The following RALYL variants were observed in gnomAD, a reference collection of about 807,000 sequenced individuals.
RALYL encodes RNA-binding Raly-like protein.
In RALYL, 29 loss-of-function variants were observed where a neutral mutation model predicts 35.1. The ratio of observed to expected loss-of-function variants is 0.83; its 90% CI spans 0.61 to 1.13. RALYL has a LOEUF of 1.13. Ranked by LOEUF, RALYL falls within the 50% of genes most tolerant of loss-of-function variation. The pLI, the probability that RALYL is intolerant of heterozygous loss-of-function variation, is 0.00. For missense variants in RALYL, 359 were observed against 360.4 expected, an observed-to-expected ratio of 1.00 and a Z score of 0.03; for synonymous variants, 120 against 127.6, an observed-to-expected ratio of 0.94 and a Z score of 0.40.
At chr8:84,591,478 A>C (rs1400351022) in intron 2 of RALYL, among the ~76,000 whole-genome samples, 1 of 152,210 alleles carries the variant, frequency 6.6e-6, no homozygotes, top group Admixed American at 6.5e-5. Flanking sequence ...TGCATTACAG[A>C]AGATAAACCT....
chr8:84,666,109 A>C (rs1469554525), intron 2 of RALYL, among the ~76,000 whole-genome samples: 2 of 152,056 alleles, frequency 1.3e-5, no homozygotes, highest in Non-Finnish European at 2.9e-5. Context: ...TAAAACAAAG[A>C]TAACAGCTCT....
chr8:84,720,548 A>C (rs2132627582), intron 2 of RALYL, among the ~76,000 whole-genome samples: 1 of 152,282 alleles, frequency 6.6e-6, no homozygotes, highest in Admixed American at 6.5e-5. Context: ...TAGAAGAAAA[A>C]TAAGGGAAAT....
chr8:84,445,618 C>T (rs912038313), intron 1 of RALYL, among the ~76,000 whole-genome samples: 2 of 151,578 alleles, frequency 1.3e-5, no homozygotes, highest in Non-Finnish European at 2.9e-5. Flanking sequence ...ATGGTTAATA[C>T]TGATACTTAA....
chr8:84,667,178 CT>C (rs891021483), intron 2 of RALYL, among the ~76,000 whole-genome samples: 4 of 151,222 alleles, frequency 2.6e-5, no homozygotes, highest in East Asian at 1.9e-4. Flanking sequence ...TTTATTTTTA[CT>C]TTTTTTTTCT....
At chr8:84,418,893 A>G (rs1331219236) in intron 1 of RALYL, among the ~76,000 whole-genome samples, 2 of 151,550 alleles carry the variant, frequency 1.3e-5, no homozygotes, top group African/African-American at 4.9e-5. Flanking sequence ...TTTCCATTTT[A>G]TCACCTGAAA....
intron 1 of RALYL, among the ~76,000 whole-genome samples, chr8:84,265,842 T>C (rs1276545747): frequency 1.3e-5 from 2 of 152,170 alleles, no homozygotes; most frequent in African/African-American, 2.4e-5. Flanking sequence ...AACCTATAAT[T>C]TTTTATCAAG....
At chr8:84,692,981 C>T (rs1256196430) in intron 2 of RALYL, among the ~76,000 whole-genome samples, 1 of 151,996 alleles carries the variant, frequency 6.6e-6, no homozygotes, top group Non-Finnish European at 1.5e-5. Flanking sequence ...AACAAATTAT[C>T]TCCTGAAATC....
chr8:84,234,557 G>T (rs1219628139), intron 1 of RALYL, among the ~76,000 whole-genome samples: 1 of 152,070 alleles, frequency 6.6e-6, no homozygotes, highest in Non-Finnish European at 1.5e-5. Context: ...GTGACTTGGG[G>T]AAAGTTACTT....
chr8:84,809,119 C>G (rs1825328209), intron 4 of RALYL, among the ~76,000 whole-genome samples: 2 of 152,052 alleles, frequency 1.3e-5, no homozygotes, highest in African/African-American at 4.8e-5. Context: ...TTTCCCCATT[C>G]AGTATTATGT....
intron 4 of RALYL, among the ~76,000 whole-genome samples, chr8:84,811,144 A>C (rs1825818907): frequency 6.6e-6 from 1 of 151,488 alleles, no homozygotes; most frequent in Non-Finnish European, 1.5e-5. Flanking sequence ...TTCTGTTTTG[A>C]TGCGTTTCCA....
intron 2 of RALYL, among the ~76,000 whole-genome samples, chr8:84,619,518 G>A (rs1227840759): frequency 6.1e-5 from 9 of 146,530 alleles, no homozygotes; most frequent in Non-Finnish European, 1.2e-4. Context: ...CCTGAATACA[G>A]CACACTGATG....
intron 1 of RALYL, among the ~76,000 whole-genome samples, chr8:84,336,665 T>C (rs1347812105): frequency 6.6e-6 from 1 of 152,110 alleles, no homozygotes; most frequent in Non-Finnish European, 1.5e-5. Context: ...TTGTCATGTG[T>C]TTGTTTTTTA....
chr8:84,826,345 C>T (rs1049990593), intron 4 of RALYL, among the ~76,000 whole-genome samples: 6 of 148,584 alleles, frequency 4.0e-5, no homozygotes, highest in Non-Finnish European at 8.9e-5. Flanking sequence ...GCTTTCTTTG[C>T]TTTGCAATAG....
At chr8:84,811,668 C>G (rs528431979) in intron 4 of RALYL, among the ~76,000 whole-genome samples, 1 of 152,270 alleles carries the variant, frequency 6.6e-6, no homozygotes, top group South Asian at 2.1e-4. Context: ...TAGGTTTGGT[C>G]ATTTAATATA....
chr8:84,678,752 A>G (rs1021502537), intron 2 of RALYL: 3 of 152,394 alleles, frequency 2.0e-5, no homozygotes, highest in Middle Eastern at 3.1e-3. Context: ...AAATAATAGT[A>G]AGGCGGTGTA....
intron 2 of RALYL, among the ~76,000 whole-genome samples, chr8:84,656,936 G>A (rs1404593377): frequency 2.6e-5 from 4 of 151,976 alleles, no homozygotes; most frequent in African/African-American, 9.7e-5. Flanking sequence ...AAACACATGG[G>A]ACAATGGAAA....
intron 2 of RALYL, among the ~76,000 whole-genome samples, chr8:84,717,485 G>A (rs1471658731): frequency 6.6e-6 from 1 of 152,058 alleles, no homozygotes; most frequent in Non-Finnish European, 1.5e-5. Context: ...GTCTTGCCTT[G>A]CTTATATGAA....
At chr8:84,751,759 C>T (rs1413687397) in intron 2 of RALYL, among the ~76,000 whole-genome samples, 3 of 152,154 alleles carry the variant, frequency 2.0e-5, no homozygotes, top group Non-Finnish European at 1.5e-5. Flanking sequence ...CCCCTTTGCC[C>T]TGTGCCAAGA....
chr8:84,707,782 G>A (rs1307791900), intron 2 of RALYL, among the ~76,000 whole-genome samples: 2 of 152,042 alleles, frequency 1.3e-5, no homozygotes, highest in Non-Finnish European at 2.9e-5. Context: ...AAAGCAAATA[G>A]AATCCTTAAA....
Sources: allele counts gnomAD v4.1 joint callset (sites outside exome capture counted in the v4.1 genomes callset), GRCh38; gene constraint gnomAD v4.1.1; transcripts MANE v1.5; gene names NCBI Gene and HGNC (gene_info 2026-07-23, HGNC 2026-07-21).